MYO16: variants seen among roughly 807,000 people sequenced by gnomAD.
The protein encoded by MYO16 is unconventional myosin-XVI.
A neutral mutation model predicts 205.3 loss-of-function variants in MYO16; 94 were observed. The ratio of observed to expected loss-of-function variants is 0.46; its 90% CI spans 0.39 to 0.54. The LOEUF is 0.54. Ranked by LOEUF, MYO16 falls within the 20% of genes least tolerant of loss-of-function variation. The probability of loss-of-function intolerance (pLI) is 0.00; values close to 1 mark genes in which losing one functional copy is unlikely to be tolerated. For missense variants in MYO16, 2,315 were observed against 2,387.5 expected (o/e 0.97, Z 0.63); for synonymous variants, 988 against 954.0 (o/e 1.04, Z -0.66).
Position 108,964,917 on chromosome 13 carries a change from A to G in MYO16, c.2369+15A>G, listed in dbSNP as rs370729871. 1.9e-6 allele frequency: 3 copies of G among 1,610,190 alleles called. No individual in the cohort carries two copies. The highest frequency in any genetic ancestry group is 2.5e-6 in the Non-Finnish European group (3 of 1,177,884). The stretch of plus-strand genomic sequence containing the variant: ...GAACAGAAAAGGTAGGAGTTGATGG[A>G]TGTTCGGTTCTGTTGTCATTACTGT... On this transcript the variant is annotated intron_variant, in intron 20 of 34. Transcript: ENST00000457511.
chr13:108,885,305 G>T (rs542277332), intron 13 of MYO16, among the ~76,000 whole-genome samples: 1 of 152,292 alleles, frequency 6.6e-6, no homozygotes, highest in Admixed American at 6.5e-5. Flanking sequence ...TTTTAGTAGA[G>T]TCGGGGGTGT....
chr13:108,896,127 G>T (rs1050299157), intron 14 of MYO16, among the ~76,000 whole-genome samples: 3 of 152,098 alleles, frequency 2.0e-5, no homozygotes, highest in Non-Finnish European at 2.9e-5. Context: ...TTAATTACCT[G>T]TAATGTCCTT....
intron 32 of MYO16, among the ~76,000 whole-genome samples, chr13:109,156,331 T>C (rs978726747): frequency 3.3e-5 from 5 of 152,206 alleles, no homozygotes; most frequent in African/African-American, 1.2e-4. Flanking sequence ...GCATTTGTAC[T>C]TTTCCTTAAT....
chr13:108,666,014 T>C lies in MYO16; in HGVS notation c.157T>C (p.Tyr53His). ...KRMRCEQIKA[Y>H]YEREKAFQKQ... ...CATGCGCTGTGAGCAAATCAAAGCCTACTATGAGCGCGAGAAGGCTTTTCA... is the reference window on the plus strand; with the variant it reads ...CATGCGCTGTGAGCAAATCAAAGCCCACTATGAGCGCGAGAAGGCTTTTCA... Residue 53 changes from tyrosine to histidine, a missense_variant, in exon 2 of 35, where the codon TAC becomes CAC. By Grantham distance (83) the Tyr-to-His change is moderately conservative (BLOSUM62 2). This residue lies in a region of MYO16 where 1,213 missense variants were observed against 1,274.4 expected (regional missense o/e 0.95). Coordinates refer to ENST00000457511, the MANE Select transcript of MYO16 (RefSeq NM_001198950.3). 6.2e-7 allele frequency: 1 copy of C among 1,614,086 alleles called. No homozygotes were observed. Among genetic ancestry groups the C allele is most frequent in the Non-Finnish European group, 8.5e-7 (1 of 1,180,000 alleles).
At chr13:108,668,271 T>C (rs73606712) in intron 2 of MYO16, among the ~76,000 whole-genome samples, 70 of 152,262 alleles carry the variant, frequency 4.6e-4, no homozygotes, top group African/African-American at 1.6e-3. Context: ...TGCAACCTAG[T>C]TTCTGGTGGC....
Position 108,737,814 on chromosome 13 carries a change from G to T in MYO16, c.507+10231G>T, listed in dbSNP as rs946261993. Among the ~76,000 whole-genome samples, 27 of 152,208 alleles carry T rather than the reference G, an allele frequency of 1.8e-4. No individual in the cohort carries two copies. The East Asian group carries it at 3.3e-3, about 19-fold the overall frequency. ...TATTAATTATTGCCTCAATTTCAGA[G>T]CCTGTTATTGGTCTATTCAGAGATT... On this transcript the variant is annotated intron_variant, in intron 4 of 34. Coordinates refer to ENST00000457511, the MANE Select transcript of MYO16 (RefSeq NM_001198950.3).
chr13:109,064,263 G>A (rs1434178441), intron 27 of MYO16, among the ~76,000 whole-genome samples: 1 of 152,150 alleles, frequency 6.6e-6, no homozygotes, highest in East Asian at 1.9e-4. Context: ...GGAAAAGTTT[G>A]CTTATCTCTG....
chr13:108,634,501 C>T (rs773683751), intron 1 of MYO16, among the ~76,000 whole-genome samples: 1 of 152,144 alleles, frequency 6.6e-6, no homozygotes, highest in African/African-American at 2.4e-5. Context: ...TTCTCTCTTC[C>T]CTCGGGCCAC....
rs1008698057 is a variant in MYO16 at position 108,612,528 on chromosome 13, G to A, written c.-39+16289G>A. On this transcript the variant is annotated intron_variant, in intron 1 of 24. Coordinates refer to the MYO16 transcript ENST00000251041. ...TTTATTGATTTAACATTTAACATGT[G>A]CCAAGTACTCTGACTGGGTTAAAAT... Among the ~76,000 whole-genome samples, 5 of 133,844 alleles carry A rather than the reference G, an allele frequency of 3.7e-5. No homozygotes were observed. The East Asian group carries it at 7.3e-4, about 20-fold the overall frequency. 87.8% of individuals were successfully genotyped at this position (133,844 alleles called of 152,430 possible). A position where few individuals can be genotyped will look rare whatever the true frequency, so the allele number is the denominator to read the frequency against.
In MYO16 at chr13:109,055,350, C is replaced by T. The variant is rs1267876132; in HGVS notation, c.3130-40C>T. 15 of 1,506,150 alleles carry T rather than the reference C, an allele frequency of 1.0e-5. No homozygotes were observed. The South Asian group carries it at 1.7e-4, about 18-fold the overall frequency. 93.3% of individuals were successfully genotyped at this position (1,506,150 alleles called of 1,614,324 possible). A position where few individuals can be genotyped will look rare whatever the true frequency, so the allele number is the denominator to read the frequency against. ...ACTGCTTTATATTTTTAGCTAGTGT[C>T]TCCTTTGGAGAATCAGTTGGGTTCT... On this transcript the variant is annotated intron_variant, in intron 26 of 34. Coordinates refer to ENST00000457511, the MANE Select transcript of MYO16 (RefSeq NM_001198950.3). The surrounding 1 kb of genome is among the most constrained non-coding windows in gnomAD (Gnocchi z 5.0).
At chr13:108,674,039 C>T (rs1225855621) in intron 2 of MYO16, among the ~76,000 whole-genome samples, 1 of 152,108 alleles carries the variant, frequency 6.6e-6, no homozygotes, top group Non-Finnish European at 1.5e-5. Flanking sequence ...AAATAGATGC[C>T]TAAAATATGT....
the MYO16 span, among the ~76,000 whole-genome samples, chr13:108,537,466 C>T: frequency 2.6e-5 from 4 of 151,996 alleles, no homozygotes; most frequent in African/African-American, 9.7e-5. Context: ...AAACATATGA[C>T]TATAGGTGTC....
intron 16 of MYO16, among the ~76,000 whole-genome samples, chr13:108,943,596 C>T (rs562409596): frequency 3.3e-5 from 5 of 152,146 alleles, no homozygotes; most frequent in Non-Finnish European, 5.9e-5. Flanking sequence ...GGATTACAGG[C>T]GTGAGTCACC....
intron 23 of MYO16, among the ~76,000 whole-genome samples, chr13:109,023,913 G>A (rs1160790268): frequency 1.5e-5 from 2 of 134,586 alleles, no homozygotes; most frequent in Non-Finnish European, 3.1e-5. Context: ...ACATATATAA[G>A]TATAAAATAC....
At chr13:108,619,969 A>G (rs1001370590) in intron 1 of MYO16, among the ~76,000 whole-genome samples, 1 of 152,132 alleles carries the variant, frequency 6.6e-6, no homozygotes, top group Admixed American at 6.5e-5. Context: ...CAGGAGGGGT[A>G]TTGCCCCATG....
intron 22 of MYO16, among the ~76,000 whole-genome samples, chr13:109,017,031 C>T (rs189948538): frequency 2.6e-5 from 4 of 152,162 alleles, no homozygotes; most frequent in Non-Finnish European, 5.9e-5. Context: ...TTATTTTGCC[C>T]ATTAGTTGAT....
chr13:108,800,295 A>C (rs1886932396), intron 6 of MYO16, among the ~76,000 whole-genome samples: 1 of 152,356 alleles, frequency 6.6e-6, no homozygotes, highest in South Asian at 2.1e-4. Flanking sequence ...GTAGCTTCTC[A>C]GAGTGGTCTC....
the MYO16 span, among the ~76,000 whole-genome samples, chr13:108,518,788 G>C: frequency 6.6e-6 from 1 of 152,156 alleles, no homozygotes; most frequent in Non-Finnish European, 1.5e-5. Context: ...CTGCTGTATA[G>C]TTCTAGATTA....
At chr13:108,734,295 A>G (rs1216458616) in intron 4 of MYO16, among the ~76,000 whole-genome samples, 2 of 152,152 alleles carry the variant, frequency 1.3e-5, no homozygotes, top group South Asian at 2.1e-4. Context: ...GCCCTGTTAT[A>G]TATCATACAT....
Sources: gnomAD v4.1 joint callset for allele counts (sites outside exome capture counted in the v4.1 genomes callset) on GRCh38, gnomAD v4.1.1 for gene constraint, gnomAD v4.1.1 regional missense constraint, Gnocchi (gnomAD v3.1) non-coding constraint, MANE v1.5 for transcripts, NCBI Gene and HGNC (gene_info 2026-07-23, HGNC 2026-07-21) for gene names.